Variants in TRPM3 observed in about 807,000 individuals in gnomAD.
TRPM3 encodes transient receptor potential cation channel subfamily M member 3, also known as long transient receptor potential channel 3.
TRPM3 carries 77 observed loss-of-function variants against 181.2 expected under a neutral mutation model. The ratio of observed to expected loss-of-function variants is 0.42; its 90% CI spans 0.35 to 0.51. The LOEUF is 0.51. Ranked by LOEUF, TRPM3 falls within the 20% of genes least tolerant of loss-of-function variation. TRPM3 has a pLI of 0.01. For synonymous variants in TRPM3, 745 were observed against 796.4 expected (o/e 0.94, Z 1.09); for missense variants, 1,759 against 2,196.7 (o/e 0.80, Z 3.98).
intron 9 of TRPM3, among the ~76,000 whole-genome samples, chr9:70,653,909 T>G (rs2059929187): frequency 6.6e-6 from 1 of 152,156 alleles, no homozygotes; most frequent in Non-Finnish European, 1.5e-5. Flanking sequence ...TTCTTAGTTC[T>G]AAAGTTCTGT....
intron 1 of TRPM3, among the ~76,000 whole-genome samples, chr9:71,399,679 C>A (rs935204869): frequency 1.3e-5 from 2 of 151,752 alleles, no homozygotes; most frequent in African/African-American, 4.8e-5. Flanking sequence ...CAGGCACCCG[C>A]CACCACGCCC....
At chr9:70,984,735 C>G (rs1315929245) in intron 1 of TRPM3, among the ~76,000 whole-genome samples, 3 of 152,212 alleles carry the variant, frequency 2.0e-5, no homozygotes, top group African/African-American at 4.8e-5. Flanking sequence ...CTCCTGGAGC[C>G]TCCAGAAGGA....
intron 1 of TRPM3, among the ~76,000 whole-genome samples, chr9:71,146,089 A>C (rs2075389708): frequency 6.6e-6 from 1 of 152,206 alleles, no homozygotes. Context: ...CAAAATGAAT[A>C]ACAAACACAT....
intron 1 of TRPM3, among the ~76,000 whole-genome samples, chr9:70,923,343 G>A (rs915285949): frequency 6.6e-6 from 1 of 152,026 alleles, no homozygotes; most frequent in African/African-American, 2.4e-5. Context: ...GATGATGGGA[G>A]GATATATAGA....
chr9:71,384,016 A>AT (rs1432612589), intron 1 of TRPM3, among the ~76,000 whole-genome samples: 3 of 152,220 alleles, frequency 2.0e-5, no homozygotes, highest in Non-Finnish European at 4.4e-5. Context: ...TTGAGTAGTA[A>AT]TTAGCTTTGA....
At chr9:71,210,231 GT>G (rs1310652607) in intron 1 of TRPM3, among the ~76,000 whole-genome samples, 1 of 152,162 alleles carries the variant, frequency 6.6e-6, no homozygotes, top group African/African-American at 2.4e-5. Flanking sequence ...CTCTTTATGA[GT>G]ATCTAATGCC....
upstream of TRPM3, chr9:71,121,734 G>C: frequency 1.6e-6 from 1 of 614,738 alleles, no homozygotes; most frequent in Non-Finnish European, 2.1e-6. Flanking sequence ...GATCGCAAAA[G>C]GGAACAAAAA....
chr9:71,399,526 G>GTTTTTTTTTTT (rs1166936123), intron 1 of TRPM3, among the ~76,000 whole-genome samples: 3 of 62,678 alleles, frequency 4.8e-5, no homozygotes, highest in African/African-American at 9.0e-5. Flanking sequence ...ATTTTCTTTT[G>GTTTTTTTTTTT]TTTTTTTTTT....
intron 8 of TRPM3, among the ~76,000 whole-genome samples, chr9:70,696,913 CA>C (rs1395993838): frequency 6.6e-6 from 1 of 152,160 alleles, no homozygotes; most frequent in Non-Finnish European, 1.5e-5. Context: ...TGTCTGTCCT[CA>C]GTCCCACGGG....
At chr9:71,250,571 A>T (rs370315822) in intron 1 of TRPM3, among the ~76,000 whole-genome samples, 19 of 152,310 alleles carry the variant, frequency 1.2e-4, no homozygotes, top group African/African-American at 2.9e-4. Flanking sequence ...TATATTTCTT[A>T]TGCCTTGTTC....
chr9:70,665,221 T>C (rs1258115453), intron 9 of TRPM3, among the ~76,000 whole-genome samples: 2 of 152,102 alleles, frequency 1.3e-5, no homozygotes, highest in African/African-American at 2.4e-5. Context: ...CTCTTACCTA[T>C]TGAGTGTGCA....
At chr9:70,638,956 A>G (rs2057644889) in intron 11 of TRPM3, 104 bp downstream of exon 11, 1 of 1,326,730 alleles carries the variant, frequency 7.5e-7, no homozygotes, top group Admixed American at 2.0e-5. Context: ...TGAACCATGC[A>G]TTTGGACGGG....
intron 1 of TRPM3, among the ~76,000 whole-genome samples, chr9:71,378,657 C>A (rs1186232213): frequency 6.6e-6 from 1 of 151,984 alleles, no homozygotes; most frequent in African/African-American, 2.4e-5. Context: ...CTTTGGAAAC[C>A]GGAGAGTGTT....
At chr9:71,405,343 G>T (rs2093418111) in intron 1 of TRPM3, among the ~76,000 whole-genome samples, 1 of 152,004 alleles carries the variant, frequency 6.6e-6, no homozygotes, top group Non-Finnish European at 1.5e-5. Context: ...TTTAAAAAAT[G>T]GTACAAATAA....
chr9:71,007,616 C>T (rs1392858980), intron 1 of TRPM3, among the ~76,000 whole-genome samples: 1 of 151,904 alleles, frequency 6.6e-6, no homozygotes, highest in African/African-American at 2.4e-5. Context: ...TGCTCTTGAA[C>T]AATGAAGAGA....
intron 1 of TRPM3, among the ~76,000 whole-genome samples, chr9:71,061,979 A>G (rs2061386946): frequency 6.6e-6 from 1 of 151,982 alleles, no homozygotes; most frequent in Non-Finnish European, 1.5e-5. Flanking sequence ...ATGGAATCAA[A>G]TCTTCCCCTT....
chr9:71,433,527 ATG>A (rs938173436), intron 1 of TRPM3, among the ~76,000 whole-genome samples: 3 of 152,234 alleles, frequency 2.0e-5, no homozygotes, highest in Non-Finnish European at 4.4e-5. Flanking sequence ...ACTCTCGGGT[ATG>A]TCTTTATTTG....
intron 22 of TRPM3, among the ~76,000 whole-genome samples, chr9:70,565,897 A>C (rs1214324655): frequency 2.0e-5 from 3 of 152,154 alleles, no homozygotes; most frequent in Non-Finnish European, 4.4e-5. Flanking sequence ...GCCTGACCTA[A>C]TGATGATAAT....
At chr9:71,069,542 G>A (rs1367700126) in intron 1 of TRPM3, among the ~76,000 whole-genome samples, 1 of 152,020 alleles carries the variant, frequency 6.6e-6, no homozygotes, top group Admixed American at 6.5e-5. Context: ...TACTATGGGG[G>A]TGGCATGACG....
Sources: gnomAD v4.1 joint callset for allele counts (sites outside exome capture counted in the v4.1 genomes callset) on GRCh38, gnomAD v4.1.1 for gene constraint, MANE v1.5 for transcripts, NCBI Gene and HGNC (gene_info 2026-07-23, HGNC 2026-07-21) for gene names.